CFAP43: variants seen among roughly 807,000 people sequenced by gnomAD.
The protein encoded by CFAP43 is cilia and flagella associated protein 43.
CFAP43 carries 155 observed loss-of-function variants against 218.9 expected under a neutral mutation model. The ratio of observed to expected loss-of-function variants is 0.71; its 90% CI spans 0.62 to 0.81. The LOEUF is 0.81. CFAP43 is among the 30% of genes least tolerant of loss of function. CFAP43 has a pLI of 0.00. For synonymous variants in CFAP43, 645 were observed against 681.3 expected (o/e 0.95, Z 0.83); for missense variants, 1,778 against 1,954.3 (o/e 0.91, Z 1.70).
At chr10:104,148,521 G>T (rs1310216115) in intron 28 of CFAP43, among the ~76,000 whole-genome samples, 2 of 152,156 alleles carry the variant, frequency 1.3e-5, no homozygotes, top group African/African-American at 4.8e-5. Flanking sequence ...TGGGTCATGG[G>T]TATGGGTCCC....
chr10:104,174,516 T>C (rs2089537567), intron 19 of CFAP43, among the ~76,000 whole-genome samples: 1 of 152,124 alleles, frequency 6.6e-6, no homozygotes, highest in Non-Finnish European at 1.5e-5. Context: ...CACATGGGAA[T>C]TATGGGAGCT....
At chr10:104,141,104 G>A (rs1013950811) in intron 33 of CFAP43, 103 bp from the exon 34 acceptor site, 5 of 1,185,052 alleles carry the variant, frequency 4.2e-6, no homozygotes, top group Middle Eastern at 2.8e-4. Context: ...AAACATGCTG[G>A]AGATTAGTGT....
intron 2 of CFAP43, among the ~76,000 whole-genome samples, chr10:104,226,639 T>A (rs763544651): frequency 1.3e-5 from 2 of 152,170 alleles, no homozygotes; most frequent in Non-Finnish European, 2.9e-5. Flanking sequence ...TAGTCTTTTC[T>A]TCTGTGTTTA....
rs1564716075 is a variant in CFAP43 at position 104,143,471 on chromosome 10, AT to A, written c.4112del (p.Asn1371IlefsTer5). On this transcript the variant is annotated frameshift_variant, in exon 32 of 38. Transcript: ENST00000357060. LOFTEE classifies it high-confidence loss of function. ...MPEGLDPLVW[N>X]HFCMTRRAKV... ...TTGCTCGTCTTGTCATGCAGAAATG[AT>A]TCCAGACCAAAGGGTCCAAGCCTTC... 1 of 1,614,222 alleles carries A rather than the reference AT, an allele frequency of 6.2e-7. No homozygotes were observed. Among genetic ancestry groups the A allele is most frequent in the East Asian group, 2.2e-5 (1 of 44,884 alleles).
intron 29 of CFAP43, 46 bp downstream of exon 29, chr10:104,147,845 G>T: frequency 7.3e-7 from 1 of 1,362,548 alleles, no homozygotes; most frequent in Non-Finnish European, 1.0e-6. Context: ...TGAGGGGCAT[G>T]TCTATCAGAA....
At chr10:104,232,040 G>T in intron 1 of CFAP43, 142 bp downstream of exon 1, 1 of 870,134 alleles carries the variant, frequency 1.1e-6, no homozygotes, top group Non-Finnish European at 1.7e-6. Context: ...GAGGCTGAGG[G>T]AAGGCACTGG....
chr10:104,204,551 C>T (rs2090624520), intron 7 of CFAP43, among the ~76,000 whole-genome samples: 1 of 152,172 alleles, frequency 6.6e-6, no homozygotes. Context: ...TCTCCATTCT[C>T]CATCACTCAC....
rs137935552 is a variant in CFAP43, at chr10:104,141,714, A to AT, written c.4271+566_4271+567insA. Among the ~76,000 whole-genome samples, 262 of 152,340 alleles carry AT rather than the reference A, an allele frequency of 1.7e-3. 6 individuals are homozygous for AT. In the East Asian group the frequency reaches 0.044, roughly 25 times the overall value. On this transcript the variant is annotated intron_variant, in intron 33 of 37. Transcript: ENST00000357060. ...ATATTTAATATGTAAGTTACTTAAC[A>AT]AATCTATTTCTGGGTAATTCATATC...
Position 104,185,138 on chromosome 10 carries a change from A to C in CFAP43, c.2019T>G (p.Phe673Leu), listed in dbSNP as rs1349907751. Residue 673 changes from phenylalanine to leucine, a missense_variant, in exon 16 of 38, where the codon TTT (phenylalanine) becomes TTG (leucine). Physicochemically the swap from Phe to Leu is conservative, Grantham distance 22 (BLOSUM62 0). Coordinates refer to ENST00000357060, the MANE Select transcript of CFAP43 (RefSeq NM_025145.7). ...CIRDVYTLET[F>L]AWCRSHSHQG... ...GGTGAGAATGACTCCGACACCAAGCAAATGTTTCCTCAATAGTTAAGAAAT... is the reference window on the plus strand; with the variant it reads ...GGTGAGAATGACTCCGACACCAAGCCAATGTTTCCTCAATAGTTAAGAAAT... 3.1e-6 allele frequency: 5 copies of C among 1,613,604 alleles called. No homozygotes were observed. The highest frequency in any genetic ancestry group is 4.2e-6 in the Non-Finnish European group (5 of 1,179,936).
chr10:104,138,847 A>C (rs141984616), intron 34 of CFAP43, among the ~76,000 whole-genome samples: 4 of 152,222 alleles, frequency 2.6e-5, no homozygotes, highest in African/African-American at 7.2e-5. Flanking sequence ...AATGTACCAT[A>C]CTGATGGAAA....
Position 104,166,649 on chromosome 10 carries a change from C to T in CFAP43, c.2878G>A (p.Glu960Lys). ...LIKQRHEEDD[E>K]EEEEEDKTVK... ...GTCTTGTCTTCCTCTTCCTCTTCTT[C>T]ATCATCCTCTTCATGACGCTGTTTA... The change falls in exon 23 of 38, where the codon GAA becomes AAA. Residue 960 changes from glutamate (E) to lysine (K), a missense_variant. Physicochemically the swap from Glu to Lys is moderately conservative, Grantham distance 56. Coordinates refer to ENST00000357060, the MANE Select transcript of CFAP43 (RefSeq NM_025145.7). The T allele has an allele frequency of 1.2e-6, 2 of 1,614,160 alleles. No individual in the cohort carries two copies. The highest frequency in any genetic ancestry group is 1.7e-6 in the Non-Finnish European group (2 of 1,180,022).
At position 104,129,962 on chromosome 10, in the gene CFAP43, C is replaced by A; in HGVS notation, c.*177G>T. ...ATGGTATTTTACACATTTATTCATG[C>A]AGGACAAAAATTTGTATACAATTAA... On this transcript the variant is annotated 3_prime_UTR_variant, in exon 38 of 38. Transcript: ENST00000357060. 1.6e-6 allele frequency: 1 copy of A among 641,032 alleles called. No homozygotes were observed. Among genetic ancestry groups the A allele is most frequent in the Non-Finnish European group, 2.4e-6 (1 of 411,812 alleles). The allele number at this position is 641,032 out of a possible 1,614,324, so 39.7% of individuals were successfully genotyped here. A position where few individuals can be genotyped will look rare whatever the true frequency, so the allele number is the denominator to read the frequency against.
At chr10:104,168,345 A>G (rs567322879) in intron 21 of CFAP43, among the ~76,000 whole-genome samples, 2 of 152,356 alleles carry the variant, frequency 1.3e-5, no homozygotes, top group East Asian at 1.9e-4. Flanking sequence ...GGGAAATTAC[A>G]TTGGAGGGAA....
intron 26 of CFAP43, 50 bp from the exon 27 acceptor site, chr10:104,161,212 T>C (rs1564737949): frequency 1.3e-6 from 2 of 1,578,032 alleles, no homozygotes; most frequent in East Asian, 4.5e-5. Context: ...TTAAATGCAG[T>C]AGTACAGTAA....
intron 3 of CFAP43, among the ~76,000 whole-genome samples, chr10:104,220,433 C>T (rs1169385050): frequency 6.6e-6 from 1 of 152,164 alleles, no homozygotes; most frequent in Non-Finnish European, 1.5e-5. Flanking sequence ...CCTCCACCAA[C>T]AGACTATGTG....
chr10:104,222,353 A>G (rs1422090663), intron 3 of CFAP43, among the ~76,000 whole-genome samples: 1 of 152,102 alleles, frequency 6.6e-6, no homozygotes, highest in Non-Finnish European at 1.5e-5. Context: ...ACAGGATTAA[A>G]TCCCACTCAC....
At chr10:104,210,717 T>C (rs1421715763) in intron 5 of CFAP43, among the ~76,000 whole-genome samples, 1 of 151,500 alleles carries the variant, frequency 6.6e-6, no homozygotes, top group Non-Finnish European at 1.5e-5. Context: ...CTCAGTTCCT[T>C]ACACATACCA....
At chr10:104,195,516 A>G (rs2090358587) in intron 10 of CFAP43, among the ~76,000 whole-genome samples, 1 of 152,054 alleles carries the variant, frequency 6.6e-6, no homozygotes, top group Admixed American at 6.6e-5. Context: ...CTTTTGTGGG[A>G]AAGTTTTATT....
chr10:104,136,258 CAAAAAAAAAAA>C lies in CFAP43; in HGVS notation c.4432-2485_4432-2475del, dbSNP rs368792618. Among the ~76,000 whole-genome samples, 72 of 86,012 alleles carry C rather than the reference CAAAAAAAAAAA, an allele frequency of 8.4e-4. 1 individual carries two copies. Among genetic ancestry groups the C allele is most frequent in the Middle Eastern group, 8.9e-3 (1 of 112 alleles). 56.4% of individuals were successfully genotyped at this position (86,012 alleles called of 152,430 possible). On this transcript the variant is annotated intron_variant, in intron 34 of 37. Transcript: ENST00000357060. ...AGAGCGAGAATCCATTTCTCCATTT[CAAAAAAAAAAA>C]AAAAAAAAAGAAGAAAAGAAAAGAA... is the stretch of plus-strand genomic sequence containing the variant.
Sources: gnomAD v4.1 joint callset for allele counts (sites outside exome capture counted in the v4.1 genomes callset) on GRCh38, gnomAD v4.1.1 for gene constraint, MANE v1.5 for transcripts, NCBI Gene and HGNC (gene_info 2026-07-23, HGNC 2026-07-21) for gene names.